Variants in TMEM182 observed in about 807,000 individuals in gnomAD.
TMEM182 encodes transmembrane protein 182.
Under a neutral mutation model 26.8 loss-of-function variants are expected in TMEM182, and 20 were observed. The ratio of observed to expected loss-of-function variants is 0.75; its 90% CI spans 0.53 to 1.09. The LOEUF (loss-of-function observed/expected upper bound fraction) is 1.09. Ranked by LOEUF, TMEM182 falls within the 50% of genes least tolerant of loss-of-function variation. TMEM182 has a pLI of 0.00. For missense variants in TMEM182, 277 were observed against 275.5 expected (o/e 1.01, Z -0.04); for synonymous variants, 109 against 102.2 (o/e 1.07, Z -0.40).
intron 3 of TMEM182, among the ~76,000 whole-genome samples, chr2:102,826,301 CT>C (rs375776814): frequency 0.015 from 1,753 of 120,034 alleles, 7 homozygotes; most frequent in African/African-American, 0.024. Context: ...CTGCAGCTGG[CT>C]TTTTTTTTTT....
At chr2:102,841,680 T>C (rs962757041) in intron 3 of TMEM182, among the ~76,000 whole-genome samples, 5 of 152,194 alleles carry the variant, frequency 3.3e-5, no homozygotes, top group South Asian at 2.1e-4. Context: ...CAATTATCCA[T>C]ATGGACGTTA....
intron 3 of TMEM182, among the ~76,000 whole-genome samples, chr2:102,838,709 G>A (rs566230774): frequency 7.2e-5 from 11 of 152,292 alleles, no homozygotes; most frequent in Admixed American, 2.6e-4. Context: ...CAGTTCAGAC[G>A]TGTGTTCTGG....
At position 102,814,984 on chromosome 2, in the gene TMEM182, A is replaced by T; in HGVS notation, c.*16A>T. 6.2e-7 allele frequency: 1 copy of T among 1,612,288 alleles called. No homozygotes were observed. Among genetic ancestry groups the T allele is most frequent in the Non-Finnish European group, 8.5e-7 (1 of 1,179,256 alleles). On this transcript the variant is annotated 3_prime_UTR_variant, in exon 5 of 5. Coordinates refer to ENST00000412401, the MANE Select transcript of TMEM182 (RefSeq NM_144632.5). ...ACATCACTAAATCAACTGTTGCCAC[A>T]AGTATTTTCTTGAGAGATTTTAAAA...
At position 102,825,141 on chromosome 2, in the gene TMEM182, A is replaced by G. The variant is rs79548490; in HGVS notation, c.326-18271A>G. The stretch of plus-strand genomic sequence containing the variant: ...CAGTACCTATCAAGCTTTTAGAAAA[A>G]CACATGGTATCTAAGGTCTGTTATT... On this transcript the variant is annotated intron_variant, in intron 3 of 3. Coordinates refer to the TMEM182 transcript ENST00000486293. Among the ~76,000 whole-genome samples the G allele has an allele frequency of 7.2e-3, 1,091 of 152,348 alleles. 14 individuals are homozygous for G. The highest frequency in any genetic ancestry group is 0.025 in the African/African-American group (1,048 of 41,578).
intron 1 of TMEM182, 39 bp downstream of exon 1, chr2:102,762,388 T>G: frequency 6.2e-7 from 1 of 1,612,692 alleles, no homozygotes; most frequent in Non-Finnish European, 8.5e-7. Context: ...ACATGGTAGT[T>G]ATGAAGATAC....
chr2:102,762,884 C>A (rs1466026699), intron 2 of TMEM182, among the ~76,000 whole-genome samples, 198 bp downstream of exon 2: 2 of 152,116 alleles, frequency 1.3e-5, no homozygotes, highest in African/African-American at 4.8e-5. Flanking sequence ...TATCTTTTAG[C>A]ATAAAACAGG....
intron 3 of TMEM182, among the ~76,000 whole-genome samples, chr2:102,782,310 G>T (rs1681205103): frequency 3.0e-5 from 1 of 33,126 alleles, no homozygotes; most frequent in African/African-American, 2.0e-4. Context: ...TGGGTGACAA[G>T]AGTAAAACTC....
chr2:102,818,155 T>G (rs1682815116), downstream of TMEM182, among the ~76,000 whole-genome samples: 1 of 152,178 alleles, frequency 6.6e-6, no homozygotes, highest in African/African-American at 2.4e-5. Context: ...AGATTTGATT[T>G]TTTTGGGACT....
chr2:102,759,174 T>A (rs1680136347), upstream of TMEM182, among the ~76,000 whole-genome samples: 1 of 152,230 alleles, frequency 6.6e-6, no homozygotes, highest in Admixed American at 6.5e-5. Context: ...ATGCATGTGT[T>A]AAAGATTTAG....
intron 1 of TMEM182, among the ~76,000 whole-genome samples, chr2:102,738,165 T>C (rs1491004004): frequency 1.3e-5 from 2 of 152,138 alleles, no homozygotes; most frequent in Non-Finnish European, 2.9e-5. Context: ...AAAGGCGCCT[T>C]GAAAGGGCTG....
At chr2:102,788,756 A>G (rs1161116665) in intron 3 of TMEM182, among the ~76,000 whole-genome samples, 2 of 152,096 alleles carry the variant, frequency 1.3e-5, no homozygotes, top group African/African-American at 4.8e-5. Flanking sequence ...CCTTCTGCCC[A>G]GTGTGCTTCC....
At chr2:102,790,310 TGAATGGCTTG>T (rs1328838222) in intron 3 of TMEM182, among the ~76,000 whole-genome samples, 7 of 152,358 alleles carry the variant, frequency 4.6e-5, no homozygotes, top group Admixed American at 4.6e-4. Flanking sequence ...TGGATGGATT[TGAATGGCTTG>T]GAATGGAACT....
intron 2 of TMEM182, among the ~76,000 whole-genome samples, chr2:102,763,811 A>T (rs1264055448): frequency 6.6e-6 from 1 of 152,216 alleles, no homozygotes; most frequent in Admixed American, 6.5e-5. Flanking sequence ...CAGACAACAT[A>T]AAAGTGCCTT....
intron 1 of TMEM182, among the ~76,000 whole-genome samples, chr2:102,744,039 A>G (rs774315808): frequency 9.9e-5 from 15 of 152,160 alleles, no homozygotes; most frequent in African/African-American, 1.7e-4. Context: ...TAATTTATAG[A>G]TAAGATACCA....
At chr2:102,812,760 G>T (rs1558786587) in intron 4 of TMEM182, among the ~76,000 whole-genome samples, 1 of 152,194 alleles carries the variant, frequency 6.6e-6, no homozygotes, top group Non-Finnish European at 1.5e-5. Flanking sequence ...GCACAAGAGA[G>T]TCACATGATG....
chr2:102,782,646 C>G (rs567237631), intron 3 of TMEM182, among the ~76,000 whole-genome samples: 2 of 152,112 alleles, frequency 1.3e-5, no homozygotes, highest in African/African-American at 4.8e-5. Flanking sequence ...CAAAGATCGG[C>G]GAGCTGCCTC....
intron 4 of TMEM182, among the ~76,000 whole-genome samples, chr2:102,811,350 G>A (rs1003576550): frequency 2.6e-5 from 4 of 152,138 alleles, no homozygotes; most frequent in African/African-American, 9.7e-5. Flanking sequence ...CATGTCACTG[G>A]TGATGTTAAC....
At chr2:102,784,127 CTG>C (rs771571273) in intron 3 of TMEM182, among the ~76,000 whole-genome samples, 3 of 152,188 alleles carry the variant, frequency 2.0e-5, no homozygotes, top group Non-Finnish European at 2.9e-5. Flanking sequence ...ACTCTTATCT[CTG>C]TATCTTTATT....
In TMEM182 at chr2:102,817,451, G is replaced by A. The variant is rs1462599825; in HGVS notation, c.*2483G>A. 4.8e-5 allele frequency: 47 copies of A among 985,250 alleles called. No homozygotes were observed. The highest frequency in any genetic ancestry group is 5.4e-5 in the Non-Finnish European group (45 of 829,928). The allele number at this position is 985,250 out of a possible 1,614,324, so 61.0% of individuals were successfully genotyped here. On this transcript the variant is annotated 3_prime_UTR_variant, in exon 5 of 5. Coordinates refer to ENST00000412401, the MANE Select transcript of TMEM182 (RefSeq NM_144632.5). ...TCTCCATATTGTATTTGTTCAGCTG[G>A]TTTAATTCACTCAGGTGGATGATTG...
Sources: gnomAD v4.1 joint callset for allele counts (sites outside exome capture counted in the v4.1 genomes callset) on GRCh38, gnomAD v4.1.1 for gene constraint, MANE v1.5 for transcripts, NCBI Gene and HGNC (gene_info 2026-07-23, HGNC 2026-07-21) for gene names.